The following DPH6 variants were observed in gnomAD, a reference collection of about 807,000 sequenced individuals.
The protein encoded by DPH6 is diphthine--ammonia ligase.
Under a neutral mutation model 38.2 loss-of-function variants are expected in DPH6, and 33 were observed. The ratio of observed to expected loss-of-function variants is 0.86; its 90% confidence interval spans 0.65 to 1.15. DPH6 has a LOEUF of 1.15. Ranked by LOEUF, DPH6 falls within the 50% of genes most tolerant of loss-of-function variation. The pLI is 0.00. For missense variants in DPH6, 325 were observed against 320.0 expected (o/e 1.02, Z -0.12); for synonymous variants, 108 against 103.0 (o/e 1.05, Z -0.30).
At chr15:35,516,035 C>A (rs1463682058) in intron 3 of DPH6, among the ~76,000 whole-genome samples, 1 of 152,136 alleles carries the variant, frequency 6.6e-6, no homozygotes, top group Non-Finnish European at 1.5e-5. Context: ...TTAATTAATT[C>A]TTACCTCGTA....
intron 2 of DPH6, 51 bp from the exon 3 acceptor site, chr15:35,538,518 C>T (rs368951573): frequency 1.9e-3 from 2,704 of 1,391,804 alleles, no homozygotes; most frequent in Non-Finnish European, 2.4e-3. Flanking sequence ...AAAAAGAAAG[C>T]GGATTTGAAA....
chr15:35,418,537 T>C (rs2053464702), intron 5 of DPH6, among the ~76,000 whole-genome samples: 1 of 152,070 alleles, frequency 6.6e-6, no homozygotes, highest in Non-Finnish European at 1.5e-5. Flanking sequence ...AGAAATTAAT[T>C]AGGAGGAAGA....
At position 35,434,298 on chromosome 15, in the gene DPH6, T is replaced by G. The variant is rs370622840; in HGVS notation, c.505+16387A>C. Among the ~76,000 whole-genome samples the G allele has an allele frequency of 3.9e-5, 6 of 152,180 alleles. No individual in the cohort carries two copies. In the East Asian group the frequency reaches 7.7e-4, roughly 20 times the overall value. On this transcript the variant is annotated intron_variant, in intron 5 of 8. Transcript: ENST00000256538. ...GACTATTACAACTTTGATGTTGATA[T>G]TTTAAAAATCATAATTTAAAGAACA...
chr15:35,238,377 C>A (rs1159532609), intron 3 of DPH6, among the ~76,000 whole-genome samples: 2 of 152,090 alleles, frequency 1.3e-5, no homozygotes, highest in African/African-American at 4.8e-5. Context: ...TAGTTGTCTT[C>A]CTCACTACTG....
chr15:35,491,969 G>A (rs1441067331), intron 3 of DPH6, among the ~76,000 whole-genome samples: 2 of 151,774 alleles, frequency 1.3e-5, no homozygotes, highest in African/African-American at 4.8e-5. Context: ...TTATTATAAG[G>A]TATTGGCTCA....
intron 1 of DPH6, among the ~76,000 whole-genome samples, chr15:35,544,320 AG>A (rs2055309764): frequency 6.8e-6 from 1 of 146,554 alleles, no homozygotes; most frequent in South Asian, 2.1e-4. Flanking sequence ...ATATGGACAC[AG>A]GGAGGGGCAC....
chr15:35,233,658 A>G (rs973668819), intron 3 of DPH6, among the ~76,000 whole-genome samples: 10 of 152,192 alleles, frequency 6.6e-5, no homozygotes, highest in African/African-American at 2.2e-4. Context: ...GCCAAACACT[A>G]TAACTTCCCT....
At chr15:35,275,605 G>A (rs1287442288) in intron 3 of DPH6, among the ~76,000 whole-genome samples, 2 of 151,714 alleles carry the variant, frequency 1.3e-5, no homozygotes, top group Non-Finnish European at 2.9e-5. Flanking sequence ...AATGCATGCA[G>A]GACTTAAAAC....
intron 3 of DPH6, among the ~76,000 whole-genome samples, chr15:35,226,643 C>T (rs2051483742): frequency 6.6e-6 from 1 of 152,040 alleles, no homozygotes; most frequent in African/African-American, 2.4e-5. Flanking sequence ...AAGACCTCTG[C>T]AATGAAAACT....
chr15:35,205,190 T>C, the DPH6 span, among the ~76,000 whole-genome samples: 1 of 152,030 alleles, frequency 6.6e-6, no homozygotes, highest in Non-Finnish European at 1.5e-5. Flanking sequence ...TCAAATTCCA[T>C]ACCAATTCAA....
chr15:35,473,388 C>T (rs1040031591), intron 3 of DPH6, among the ~76,000 whole-genome samples: 2 of 152,076 alleles, frequency 1.3e-5, no homozygotes, highest in African/African-American at 4.8e-5. Flanking sequence ...TTATGTGTTC[C>T]TTTCATTAAG....
At chr15:35,211,281 C>G in the DPH6 span, among the ~76,000 whole-genome samples, 2 of 152,114 alleles carry the variant, frequency 1.3e-5, no homozygotes, top group African/African-American at 4.8e-5. Context: ...CTTTGCTAAA[C>G]TTTTACCACA....
At chr15:35,512,715 T>C (rs1354444083) in intron 3 of DPH6, among the ~76,000 whole-genome samples, 1 of 152,058 alleles carries the variant, frequency 6.6e-6, no homozygotes, top group Non-Finnish European at 1.5e-5. Flanking sequence ...CAAGTCAAGG[T>C]TTCAGATACA....
intron 3 of DPH6, among the ~76,000 whole-genome samples, chr15:35,343,752 GA>G (rs2052440867): frequency 6.6e-6 from 1 of 151,922 alleles, no homozygotes; most frequent in Non-Finnish European, 1.5e-5. Flanking sequence ...GTCAATAAGA[GA>G]AAAATAATCT....
intron 3 of DPH6, chr15:35,489,708 G>C (rs1225501123): frequency 1.0e-6 from 1 of 976,708 alleles, no homozygotes; most frequent in Non-Finnish European, 1.2e-6. Flanking sequence ...ATAATAAAAG[G>C]TTAGATATTA....
chr15:35,298,771 G>A, intron 3 of DPH6: 1 of 1,350,826 alleles, frequency 7.4e-7, no homozygotes, highest in South Asian at 1.2e-5. Context: ...GGAAGGAGTT[G>A]CGCTGGGCCG....
chr15:35,470,753 T>C (rs2141125751), intron 3 of DPH6, among the ~76,000 whole-genome samples: 1 of 152,340 alleles, frequency 6.6e-6, no homozygotes, highest in East Asian at 1.9e-4. Context: ...TGTATCTGGC[T>C]TCACAGTCTT....
At chr15:35,212,351 T>A (rs2051393124), downstream of DPH6, among the ~76,000 whole-genome samples, 1 of 152,138 alleles carries the variant, frequency 6.6e-6, no homozygotes, top group Non-Finnish European at 1.5e-5. Context: ...GAGGTCAACC[T>A]GAGTAGATGG....
the DPH6 span, among the ~76,000 whole-genome samples, chr15:35,194,389 G>C: frequency 6.6e-6 from 1 of 151,868 alleles, no homozygotes. Flanking sequence ...GAGAGAGAGA[G>C]AGAGAGATAG....
Sources: allele counts gnomAD v4.1 joint callset (sites outside exome capture counted in the v4.1 genomes callset), GRCh38; gene constraint gnomAD v4.1.1; transcripts MANE v1.5; gene names NCBI Gene and HGNC (gene_info 2026-07-23, HGNC 2026-07-21).